STK3: variants seen among roughly 807,000 people sequenced by gnomAD.
The protein encoded by STK3 is serine/threonine kinase 3.
Under a neutral mutation model 58.0 loss-of-function variants are expected in STK3, and 41 were observed. The ratio of observed to expected loss-of-function variants is 0.71; its 90% CI spans 0.55 to 0.92. The LOEUF (loss-of-function observed/expected upper bound fraction) is 0.92, where lower values mean the gene tolerates loss of function less well. Ranked by LOEUF, STK3 falls within the 40% of genes least tolerant of loss-of-function variation. STK3 has a pLI of 0.00. For synonymous variants in STK3, 170 were observed against 191.0 expected (o/e 0.89, Z 0.91); for missense variants, 479 against 602.7 (o/e 0.79, Z 2.15).
chr8:98,501,956 C>T (rs1372657885), intron 10 of STK3, among the ~76,000 whole-genome samples: 1 of 152,162 alleles, frequency 6.6e-6, no homozygotes, highest in African/African-American at 2.4e-5. Context: ...GCATTGGTAG[C>T]TTGACGGCGA....
downstream of STK3, among the ~76,000 whole-genome samples, chr8:98,451,138 G>C (rs1819180025): frequency 6.6e-6 from 1 of 152,094 alleles, no homozygotes; most frequent in Non-Finnish European, 1.5e-5. Context: ...TGTTGTTATG[G>C]TGATTATGTG....
At chr8:98,624,837 A>G (rs894411176) in intron 6 of STK3, among the ~76,000 whole-genome samples, 3 of 152,098 alleles carry the variant, frequency 2.0e-5, no homozygotes, top group Non-Finnish European at 4.4e-5. Context: ...CTGGGCAAAA[A>G]GAGTGGAACT....
At chr8:98,668,069 G>C (rs1372188367) in intron 6 of STK3, among the ~76,000 whole-genome samples, 1 of 151,992 alleles carries the variant, frequency 6.6e-6, no homozygotes, top group Non-Finnish European at 1.5e-5. Flanking sequence ...CTTTAATTAA[G>C]AAATGAACAT....
At chr8:98,467,309 C>T (rs1820545397) in intron 10 of STK3, among the ~76,000 whole-genome samples, 1 of 152,012 alleles carries the variant, frequency 6.6e-6, no homozygotes, top group East Asian at 2.0e-4. Flanking sequence ...TCTCTAGTGC[C>T]TAGAACACTG....
At chr8:98,585,097 T>G (rs1295675416) in intron 7 of STK3, among the ~76,000 whole-genome samples, 3 of 151,278 alleles carry the variant, frequency 2.0e-5, no homozygotes, top group South Asian at 2.1e-4. Context: ...CTCTTTAGTT[T>G]AATTAGATCC....
At chr8:98,352,797 C>G in the STK3 span, among the ~76,000 whole-genome samples, 2 of 152,070 alleles carry the variant, frequency 1.3e-5, no homozygotes, top group Non-Finnish European at 2.9e-5. Context: ...GTACAGTAAC[C>G]TTTTAACCAA....
At chr8:98,453,292 T>C (rs1174042513), downstream of STK3, among the ~76,000 whole-genome samples, 1 of 151,436 alleles carries the variant, frequency 6.6e-6, no homozygotes, top group Non-Finnish European at 1.5e-5. Flanking sequence ...TTTCACCATA[T>C]TAGTCAGGCT....
At chr8:98,525,243 C>T (rs531261065) in intron 10 of STK3, among the ~76,000 whole-genome samples, 23 of 151,970 alleles carry the variant, frequency 1.5e-4, no homozygotes, top group Non-Finnish European at 2.2e-4. Context: ...ACACAGAGTG[C>T]GGAATAATAG....
At chr8:98,562,737 GAAAAAAAAA>G (rs778049177) in intron 8 of STK3, among the ~76,000 whole-genome samples, 10 of 17,406 alleles carry the variant, frequency 5.7e-4, no homozygotes, top group East Asian at 4.3e-3. Flanking sequence ...CACAAAAAAT[GAAAAAAAAA>G]AAAAAAAAAA....
chr8:98,768,350 C>T lies in STK3; in HGVS notation c.108-979G>A, dbSNP rs184180831. Among the ~76,000 whole-genome samples the T allele has an allele frequency of 8.7e-3, 1,317 of 152,226 alleles. 10 individuals carry two copies. The highest frequency in any genetic ancestry group is 0.03 in the African/African-American group (1,237 of 41,524). The stretch of plus-strand genomic sequence containing the variant: ...ACAAGAGCAAGCCAATGGAAAACAT[C>T]GAATGTTTCCTAATATTAGAAATCT... On this transcript the variant is annotated intron_variant, in intron 2 of 10. Coordinates refer to ENST00000419617, the MANE Select transcript of STK3 (RefSeq NM_006281.4).
At position 98,885,122 on chromosome 8, in the gene STK3, T is replaced by C. The variant is rs377717050; in HGVS notation, c.-78-1288A>G. Among the ~76,000 whole-genome samples the C allele has an allele frequency of 3.3e-5, 5 of 152,208 alleles. No homozygotes were observed. In the East Asian group the frequency reaches 9.6e-4, roughly 29 times the overall value. On this transcript the variant is annotated intron_variant, in intron 1 of 1. Coordinates refer to the STK3 transcript ENST00000519420. ...TAACTGGCCACATTATTATGGAGAATGGCCTTAGGGACTTGAACAAACTTC... is the reference window on the plus strand; with the variant it reads ...TAACTGGCCACATTATTATGGAGAACGGCCTTAGGGACTTGAACAAACTTC...
chr8:98,451,347 GA>G (rs910285812), downstream of STK3, among the ~76,000 whole-genome samples: 16 of 152,160 alleles, frequency 1.1e-4, 1 homozygote, highest in Admixed American at 5.2e-4. Flanking sequence ...AGAGAGTTTG[GA>G]AGCAGTTCAG....
chr8:98,777,226 A>C (rs1251499424), intron 1 of STK3, among the ~76,000 whole-genome samples: 3 of 152,134 alleles, frequency 2.0e-5, no homozygotes, highest in Middle Eastern at 3.4e-3. Flanking sequence ...TCATTGACCA[A>C]TGGTAAAATA....
chr8:98,784,088 G>A (rs1832299131), intron 1 of STK3, among the ~76,000 whole-genome samples: 2 of 152,344 alleles, frequency 1.3e-5, no homozygotes, highest in South Asian at 4.1e-4. Context: ...TTTCTTCTAA[G>A]CCCTGGATCT....
At chr8:98,725,035 T>A (rs982258841) in intron 4 of STK3, among the ~76,000 whole-genome samples, 3 of 152,108 alleles carry the variant, frequency 2.0e-5, no homozygotes, top group African/African-American at 7.2e-5. Flanking sequence ...ACAACACAAA[T>A]ATGCCAATAC....
intron 2 of STK3, among the ~76,000 whole-genome samples, chr8:98,373,544 T>A (rs1817634220): frequency 6.6e-6 from 1 of 152,182 alleles, no homozygotes. Context: ...TTCATGCCAG[T>A]TTTTAGATTA....
intron 10 of STK3, among the ~76,000 whole-genome samples, chr8:98,497,783 G>A (rs1237553956): frequency 6.6e-6 from 1 of 152,090 alleles, no homozygotes; most frequent in East Asian, 1.9e-4. Flanking sequence ...TAATCAAGAA[G>A]ATAGACAATA....
chr8:98,809,061 G>T (rs750532173), intron 1 of STK3, among the ~76,000 whole-genome samples: 84 of 152,304 alleles, frequency 5.5e-4, no homozygotes, highest in Non-Finnish European at 9.6e-4. Context: ...ACACATCCAC[G>T]TGCTGAAAGA....
At chr8:98,514,775 A>G (rs1261061806) in intron 10 of STK3, among the ~76,000 whole-genome samples, 1 of 152,076 alleles carries the variant, frequency 6.6e-6, no homozygotes, top group Non-Finnish European at 1.5e-5. Context: ...CATGCCAAAT[A>G]GTCCCAAATT....
Sources: gnomAD v4.1 joint callset for allele counts (sites outside exome capture counted in the v4.1 genomes callset) on GRCh38, gnomAD v4.1.1 for gene constraint, MANE v1.5 for transcripts, NCBI Gene and HGNC (gene_info 2026-07-23, HGNC 2026-07-21) for gene names.